Variants in KLF12 observed in about 807,000 individuals in gnomAD.
The protein encoded by KLF12 is Krueppel-like factor 12.
KLF12 carries 9 observed loss-of-function variants against 37.8 expected under a neutral mutation model. That is an observed-to-expected ratio of 0.24 (90% CI 0.14 to 0.42). The LOEUF is 0.42. Ranked by LOEUF, KLF12 falls within the 10% of genes least tolerant of loss-of-function variation. The probability of loss-of-function intolerance (pLI) is 1.00; values close to 1 mark genes in which losing one functional copy is unlikely to be tolerated. For missense variants in KLF12, 411 were observed against 516.0 expected, an observed-to-expected ratio of 0.80 and a Z score of 1.97; for synonymous variants, 208 against 202.1, an observed-to-expected ratio of 1.03 and a Z score of -0.25.
chr13:74,253,911 A>G, the KLF12 span, among the ~76,000 whole-genome samples: 1 of 152,212 alleles, frequency 6.6e-6, no homozygotes, highest in East Asian at 1.9e-4. Context: ...GCCTTACAAT[A>G]TGAAACTTTT....
intron 6 of KLF12, among the ~76,000 whole-genome samples, chr13:73,737,453 T>C (rs1446741288): frequency 3.9e-5 from 6 of 152,186 alleles, no homozygotes; most frequent in Non-Finnish European, 8.8e-5. Flanking sequence ...CAGCCCTGGA[T>C]TCCAGTCTCT....
At chr13:73,974,158 C>A (rs1237407082) in intron 2 of KLF12, among the ~76,000 whole-genome samples, 1 of 151,756 alleles carries the variant, frequency 6.6e-6, no homozygotes, top group African/African-American at 2.4e-5. Flanking sequence ...TCCTGAAGAA[C>A]CCAAAAATTG....
At chr13:74,221,281 C>T in the KLF12 span, among the ~76,000 whole-genome samples, 3 of 152,196 alleles carry the variant, frequency 2.0e-5, no homozygotes, top group Non-Finnish European at 4.4e-5. Context: ...GCTGGGATTA[C>T]AGGCGTGAGC....
intron 6 of KLF12, 60 bp downstream of exon 6, chr13:73,764,878 T>TA: frequency 1.1e-6 from 1 of 903,864 alleles, no homozygotes; most frequent in South Asian, 1.5e-5. Flanking sequence ...AATTTTAACA[T>TA]AAGCCCTATT....
At chr13:74,121,260 T>C (rs776732720) in intron 1 of KLF12, among the ~76,000 whole-genome samples, 4 of 152,056 alleles carry the variant, frequency 2.6e-5, no homozygotes, top group Non-Finnish European at 5.9e-5. Flanking sequence ...AGTAACAATA[T>C]AGAACAATAT....
chr13:73,873,918 T>C (rs1886587241), intron 3 of KLF12, among the ~76,000 whole-genome samples: 1 of 152,048 alleles, frequency 6.6e-6, no homozygotes, highest in African/African-American at 2.4e-5. Flanking sequence ...ATAGTAAACA[T>C]ATGGCACTAC....
At chr13:74,230,051 GA>G in the KLF12 span, among the ~76,000 whole-genome samples, 1 of 152,164 alleles carries the variant, frequency 6.6e-6, no homozygotes, top group African/African-American at 2.4e-5. Flanking sequence ...GATAACACAT[GA>G]TATGATTTGG....
At chr13:74,212,859 C>A in the KLF12 span, among the ~76,000 whole-genome samples, 1 of 151,474 alleles carries the variant, frequency 6.6e-6, no homozygotes, top group African/African-American at 2.4e-5. Flanking sequence ...TGTTTAAATT[C>A]TTTTTTTTCA....
the KLF12 span, among the ~76,000 whole-genome samples, chr13:74,223,296 G>A: frequency 6.6e-6 from 1 of 152,218 alleles, no homozygotes; most frequent in Non-Finnish European, 1.5e-5. Context: ...TGTAGATGGT[G>A]AAACCATACA....
the KLF12 span, among the ~76,000 whole-genome samples, chr13:74,221,552 C>T: frequency 1.3e-5 from 2 of 152,126 alleles, no homozygotes; most frequent in Non-Finnish European, 2.9e-5. Flanking sequence ...AATTCTCTAA[C>T]ATAAAAATGA....
chr13:74,121,665 T>TA (rs1189252980), intron 1 of KLF12, among the ~76,000 whole-genome samples: 1 of 152,066 alleles, frequency 6.6e-6, no homozygotes, highest in Non-Finnish European at 1.5e-5. Context: ...AGAATATATA[T>TA]AATTTAATGC....
chr13:74,075,770 A>G (rs1874525616), intron 1 of KLF12, among the ~76,000 whole-genome samples: 1 of 152,232 alleles, frequency 6.6e-6, no homozygotes, highest in South Asian at 2.1e-4. Flanking sequence ...ACAGTAAGAC[A>G]CTGATATAAC....
rs910186435 is a variant in KLF12, at chr13:74,017,201, C to T, written c.-31-22148G>A. Reference sequence around the variant, plus strand: ...TAATATATGCACTTCCTTGAGTGAACTACACTTTAGTCAAAAAGTGAACTA... The same window carrying T: ...TAATATATGCACTTCCTTGAGTGAATTACACTTTAGTCAAAAAGTGAACTA... On this transcript the variant is annotated intron_variant, in intron 1 of 7. Transcript: ENST00000377669. Among the ~76,000 whole-genome samples, 3 of 126,230 alleles carry T rather than the reference C, an allele frequency of 2.4e-5. No individual in the cohort carries two copies. The Admixed American group carries it at 3.0e-4, about 13-fold the overall frequency. The allele number at this position is 126,230 out of a possible 152,430, so 82.8% of individuals were successfully genotyped here. A position where few individuals can be genotyped will look rare whatever the true frequency, so the allele number is the denominator to read the frequency against.
chr13:73,804,100 C>G (rs192823432), intron 5 of KLF12, among the ~76,000 whole-genome samples: 65 of 152,316 alleles, frequency 4.3e-4, no homozygotes, highest in Admixed American at 1.6e-3. Context: ...TCTCCCATCT[C>G]ACCTCCTCAC....
intron 3 of KLF12, among the ~76,000 whole-genome samples, chr13:73,908,139 A>C (rs1402748819): frequency 6.6e-6 from 1 of 152,104 alleles, no homozygotes; most frequent in Non-Finnish European, 1.5e-5. Flanking sequence ...GCAGTGACTC[A>C]GGCCTGTAAT....
rs1217086451 is a variant in KLF12, at chr13:73,694,502, G to T, written c.*988C>A. ...TCATTATTGCTTTTCTCCTCAAGAG[G>T]CGCATTATTTCCATCTCTGCTTTGT... On this transcript the variant is annotated 3_prime_UTR_variant, in exon 8 of 8. Coordinates refer to ENST00000377669, the MANE Select transcript of KLF12 (RefSeq NM_007249.5). 2.0e-5 allele frequency: 3 copies of T among 152,616 alleles called. No individual in the cohort carries two copies. The highest frequency in any genetic ancestry group is 4.4e-5 in the Non-Finnish European group (3 of 68,040). The allele number at this position is 152,616 out of a possible 1,614,324, so 9.5% of individuals were successfully genotyped here.
chr13:74,128,053 T>C (rs1412215210), intron 1 of KLF12, among the ~76,000 whole-genome samples: 2 of 152,250 alleles, frequency 1.3e-5, no homozygotes, highest in African/African-American at 4.8e-5. Context: ...ATTGTTCATC[T>C]TTATTTTCAA....
chr13:73,700,764 G>A (rs1874497661), intron 7 of KLF12, among the ~76,000 whole-genome samples: 2 of 151,922 alleles, frequency 1.3e-5, no homozygotes, highest in Admixed American at 1.3e-4. Context: ...AGGAAAGAAA[G>A]TCTATAAGTG....
At chr13:74,299,441 T>C in the KLF12 span, among the ~76,000 whole-genome samples, 1 of 152,176 alleles carries the variant, frequency 6.6e-6, no homozygotes, top group South Asian at 2.1e-4. Context: ...ATATACACAA[T>C]TTTGTCAGTT....
Sources: gnomAD v4.1 joint callset for allele counts (sites outside exome capture counted in the v4.1 genomes callset) on GRCh38, gnomAD v4.1.1 for gene constraint, MANE v1.5 for transcripts, NCBI Gene and HGNC (gene_info 2026-07-23, HGNC 2026-07-21) for gene names.